Variants in CCDC88A observed in about 807,000 individuals in gnomAD.
The protein encoded by CCDC88A is girdin.
Under a neutral mutation model 234.3 loss-of-function variants are expected in CCDC88A, and 54 were observed. The observed-to-expected ratio is 0.23, with a 90% confidence interval of 0.19 to 0.29. CCDC88A has a LOEUF of 0.29. CCDC88A is among the 10% of genes least tolerant of loss of function. The probability of loss-of-function intolerance (pLI) is 1.00; values close to 1 mark genes in which losing one functional copy is unlikely to be tolerated. For synonymous variants in CCDC88A, 753 were observed against 737.8 expected, an observed-to-expected ratio of 1.02 and a Z score of -0.33; for missense variants, 1,832 against 2,123.4, an observed-to-expected ratio of 0.86 and a Z score of 2.70.
intron 29 of CCDC88A, among the ~76,000 whole-genome samples, chr2:55,297,328 TA>T (rs1680203174): frequency 3.0e-5 from 3 of 99,040 alleles, no homozygotes; most frequent in Admixed American, 2.9e-4. Context: ...ATATAATATA[TA>T]ATATATAAAT....
At chr2:55,372,404 T>C (rs1345952904) in intron 5 of CCDC88A, 48 bp downstream of exon 5, 4 of 907,834 alleles carry the variant, frequency 4.4e-6, no homozygotes, top group Admixed American at 2.2e-5. Context: ...GATAAAAATA[T>C]ATAAAGAGGT....
At chr2:55,315,802 C>T (rs1465083160) in intron 22 of CCDC88A, 126 bp downstream of exon 22, 3 of 489,242 alleles carry the variant, frequency 6.1e-6, no homozygotes, top group Admixed American at 3.3e-5. Context: ...TGATCCTAGA[C>T]CAAATTCTTT....
rs1193585080 is a variant in CCDC88A at position 55,416,439 on chromosome 2, AATAAATATAT to A, written c.164+2367_164+2376del. On this transcript the variant is annotated intron_variant, in intron 2 of 32. Transcript: ENST00000436346. ...GGTGAAGAGGTCAAATAAATAAATA[AATAAATATAT>A]ATATATATATATATATATATATATA... 4.7e-4 allele frequency among the ~76,000 whole-genome samples: 12 copies of A among 25,582 alleles called. No individual in the cohort carries two copies. The South Asian group carries it at 0.014, about 29-fold the overall frequency. The allele number at this position is 25,582 out of a possible 152,430, so 16.8% of individuals were successfully genotyped here.
At chr2:55,380,415 T>G (rs1674402946) in intron 3 of CCDC88A, among the ~76,000 whole-genome samples, 1 of 151,248 alleles carries the variant, frequency 6.6e-6, no homozygotes. Flanking sequence ...TATTCTGGCG[T>G]GAAGACATTT....
intron 17 of CCDC88A, chr2:55,323,543 GTTTGT>G (rs1460578555): frequency 2.0e-5 from 3 of 152,048 alleles, no homozygotes; most frequent in Non-Finnish European, 4.4e-5. Flanking sequence ...TCCGGGTTTT[GTTTGT>G]TTTGTTTTTA....
At chr2:55,391,872 T>C (rs959277174) in intron 2 of CCDC88A, among the ~76,000 whole-genome samples, 5 of 152,228 alleles carry the variant, frequency 3.3e-5, no homozygotes, top group African/African-American at 9.6e-5. Context: ...ATGTTCTTTA[T>C]AGGAAATAGA....
intron 18 of CCDC88A, chr2:55,321,081 G>C (rs546102289): frequency 6.9e-6 from 1 of 144,794 alleles, no homozygotes; most frequent in Non-Finnish European, 1.5e-5. Context: ...CTGCATTCCA[G>C]CCTGGGAGAT....
chr2:55,326,422 C>G (rs192608220), intron 17 of CCDC88A, among the ~76,000 whole-genome samples: 1 of 152,112 alleles, frequency 6.6e-6, no homozygotes, highest in African/African-American at 2.4e-5. Flanking sequence ...TTATACTATT[C>G]GTATTTAACT....
chr2:55,386,301 A>G (rs1222596577), intron 3 of CCDC88A, among the ~76,000 whole-genome samples: 1 of 151,384 alleles, frequency 6.6e-6, no homozygotes, highest in East Asian at 2.0e-4. Flanking sequence ...CTAAAACTGC[A>G]TACTTAAAAG....
At position 55,388,855 on chromosome 2, in the gene CCDC88A, T is replaced by A. The variant is rs1676133873; in HGVS notation, c.196A>T (p.Lys66Ter). 1 of 1,507,074 alleles carries A rather than the reference T, an allele frequency of 6.6e-7. No individual in the cohort carries two copies. Among genetic ancestry groups the A allele is most frequent in the Admixed American group, 1.9e-5 (1 of 53,180 alleles). 93.4% of individuals were successfully genotyped at this position (1,507,074 alleles called of 1,614,324 possible). Residue 66 changes from lysine (K) to a stop codon, truncating the protein, a stop_gained, in exon 3 of 33, where the codon AAA (lysine) becomes TAA (stop). Coordinates refer to ENST00000436346, the MANE Select transcript of CCDC88A (RefSeq NM_001365480.1). LOFTEE classifies it high-confidence loss of function. ...AGTGAGGCATCATTATTGACTTTTT[T>A]ATTTACTCTCTGACTCTCCAATTTA... ...NPKLESQRVN[K>*]KVNNDASLRM...
chr2:55,402,745 C>T (rs1262796705), intron 2 of CCDC88A, among the ~76,000 whole-genome samples: 2 of 148,348 alleles, frequency 1.3e-5, no homozygotes, highest in African/African-American at 4.9e-5. Context: ...CGTGGTGGCT[C>T]ATGCCTGTAA....
intron 23 of CCDC88A, 32 bp downstream of exon 23, chr2:55,312,402 T>C: frequency 6.3e-7 from 1 of 1,593,120 alleles, no homozygotes. Flanking sequence ...ATGAGTAACA[T>C]ATTTCAGAGT....
At position 55,334,364 on chromosome 2, in the gene CCDC88A, T is replaced by G. The variant is rs762468748; in HGVS notation, c.2457A>C (p.Ser819=). Residue 819 remains serine, a synonymous_variant, in exon 15 of 33, where the codon TCA becomes TCC. Coordinates refer to ENST00000436346, the MANE Select transcript of CCDC88A (RefSeq NM_001365480.1). The surrounding 1 kb of genome is among the most constrained non-coding windows in gnomAD (Gnocchi z 6.1). ...RLEQLEKENK[S]LEQETSQLEK... is the part of the protein sequence containing the mutation. ...CCAGTTGAGAAGTCTCTTGCTCTAA[T>G]GATTTATTTTCTTTTTCCAGCTGTT... is the stretch of plus-strand genomic sequence containing the variant. The G allele has an allele frequency of 2.6e-6, 4 of 1,562,462 alleles. No individual in the cohort carries two copies. Among genetic ancestry groups the G allele is most frequent in the Non-Finnish European group, 3.4e-6 (4 of 1,163,894 alleles).
At chr2:55,363,010 T>A (rs1374576593) in intron 6 of CCDC88A, among the ~76,000 whole-genome samples, 2 of 151,978 alleles carry the variant, frequency 1.3e-5, no homozygotes, top group East Asian at 3.8e-4. Flanking sequence ...TTAACTTTCA[T>A]AACAAACAGC....
intron 26 of CCDC88A, 125 bp from the exon 27 acceptor site, chr2:55,302,197 C>T: frequency 1.4e-6 from 1 of 697,774 alleles, no homozygotes. Flanking sequence ...AAAATTATAA[C>T]CACATGGTCA....
At chr2:55,385,999 G>A (rs1156524987) in intron 3 of CCDC88A, among the ~76,000 whole-genome samples, 7 of 151,588 alleles carry the variant, frequency 4.6e-5, no homozygotes, top group African/African-American at 7.3e-5. Context: ...CGAGGCAGGC[G>A]GATTACCTGA....
Position 55,362,159 on chromosome 2 carries a change from C to T in CCDC88A, c.627+149G>A, listed in dbSNP as rs941408233. On this transcript the variant is annotated intron_variant, in intron 7 of 32. Coordinates refer to ENST00000436346, the MANE Select transcript of CCDC88A (RefSeq NM_001365480.1). Reference sequence around the variant, plus strand: ...CTAGCAATTTGGGGTTCTTATACATCCTTTCAGGTTCCTGTGTTCCACACA... The same window carrying T: ...CTAGCAATTTGGGGTTCTTATACATTCTTTCAGGTTCCTGTGTTCCACACA... 5.5e-6 allele frequency: 3 copies of T among 544,706 alleles called. No individual in the cohort carries two copies. In the African/African-American group the frequency reaches 6.0e-5, roughly 11 times the overall value. 33.7% of individuals were successfully genotyped at this position (544,706 alleles called of 1,614,324 possible). A position where few individuals can be genotyped will look rare whatever the true frequency, so the allele number is the denominator to read the frequency against.
In CCDC88A at chr2:55,334,439, T is replaced by C; in HGVS notation, c.2382A>G (p.Gln794=). ...SELQDLEMEN[Q]TLQKNLEELK... is the part of the protein sequence containing the mutation. ...GTTCTTCTAGGTTTTTCTGCAATGT[T>C]TGATTTTCCATCTCTAAGTCTTGTA... The change falls in exon 15 of 33, where the codon CAA becomes CAG. Residue 794 remains glutamine, a synonymous_variant. Coordinates refer to ENST00000436346, the MANE Select transcript of CCDC88A (RefSeq NM_001365480.1). The surrounding 1 kb of genome is among the most constrained non-coding windows in gnomAD (Gnocchi z 6.1). 1.3e-6 allele frequency: 2 copies of C among 1,583,660 alleles called. No individual in the cohort carries two copies. The highest frequency in any genetic ancestry group is 1.7e-6 in the Non-Finnish European group (2 of 1,171,966).
At chr2:55,409,706 A>C (rs4481025) in intron 2 of CCDC88A, among the ~76,000 whole-genome samples, 128,762 of 148,396 alleles carry the variant, frequency 0.87, 56,202 homozygotes, top group Admixed American at 0.93. Context: ...AGAGGAGTCC[A>C]TGTAAACAGG....
Sources: allele counts gnomAD v4.1 joint callset (sites outside exome capture counted in the v4.1 genomes callset), GRCh38; gene constraint gnomAD v4.1.1; non-coding constraint Gnocchi (gnomAD v3.1); transcripts MANE v1.5; gene names NCBI Gene and HGNC (gene_info 2026-07-23, HGNC 2026-07-21).